The following ASTN1 variants were observed in gnomAD, a reference collection of about 807,000 sequenced individuals.
ASTN1 encodes the protein astrotactin-1.
A neutral mutation model predicts 140.7 loss-of-function variants in ASTN1; 41 were observed. The observed-to-expected ratio is 0.29, with a 90% confidence interval of 0.23 to 0.38. The LOEUF is 0.38. Among genes scored for constraint, ASTN1 ranks in the 10% least tolerant of loss-of-function variants. The probability of loss-of-function intolerance (pLI) is 1.00; values close to 1 mark genes in which losing one functional copy is unlikely to be tolerated. For missense variants in ASTN1, 1,479 were observed against 1,678.8 expected, an observed-to-expected ratio of 0.88 and a Z score of 2.08; for synonymous variants, 640 against 652.2, an observed-to-expected ratio of 0.98 and a Z score of 0.29.
chr1:177,111,107 T>TGGTA (rs1262778255), intron 1 of ASTN1, among the ~76,000 whole-genome samples: 2 of 152,326 alleles, frequency 1.3e-5, no homozygotes, highest in East Asian at 3.9e-4. Flanking sequence ...CAAGAAGACC[T>TGGTA]GGTAGTTGGG....
At chr1:177,013,419 T>C (rs1027531045) in intron 8 of ASTN1, among the ~76,000 whole-genome samples, 1 of 152,222 alleles carries the variant, frequency 6.6e-6, no homozygotes, top group Non-Finnish European at 1.5e-5. Context: ...AGTCATCAGC[T>C]GGCTAAGTTC....
At chr1:176,939,291 A>C (rs574808480) in intron 14 of ASTN1, among the ~76,000 whole-genome samples, 2 of 152,282 alleles carry the variant, frequency 1.3e-5, no homozygotes, top group South Asian at 4.1e-4. Context: ...TTTTAAGTCC[A>C]GAACAACAGA....
intron 1 of ASTN1, among the ~76,000 whole-genome samples, chr1:177,076,802 C>T (rs1334914368): frequency 5.3e-5 from 8 of 152,186 alleles, no homozygotes; most frequent in South Asian, 2.1e-4. Context: ...GGATTACAGG[C>T]GTGAGCCACC....
chr1:176,909,075 C>T (rs1670116955), intron 16 of ASTN1, among the ~76,000 whole-genome samples: 2 of 152,266 alleles, frequency 1.3e-5, no homozygotes, highest in Middle Eastern at 3.4e-3. Context: ...CACCACTTGC[C>T]CCCCAAAATG....
chr1:177,065,224 T>C (rs1416183502), intron 1 of ASTN1, among the ~76,000 whole-genome samples: 4 of 152,166 alleles, frequency 2.6e-5, no homozygotes, highest in African/African-American at 9.7e-5. Flanking sequence ...ATCATCACGC[T>C]GTGGGACTGA....
At chr1:176,985,080 C>T (rs1673821676) in intron 8 of ASTN1, among the ~76,000 whole-genome samples, 1 of 152,204 alleles carries the variant, frequency 6.6e-6, no homozygotes, top group African/African-American at 2.4e-5. Flanking sequence ...TCTTCTTCTT[C>T]AAATGCAGGG....
chr1:177,037,297 C>T (rs1345211446), intron 2 of ASTN1, among the ~76,000 whole-genome samples: 4 of 152,024 alleles, frequency 2.6e-5, no homozygotes, highest in Admixed American at 6.5e-5. Context: ...ATAGCCAAGT[C>T]GAAAAGAGAA....
chr1:176,925,407 A>C (rs1670912789), intron 16 of ASTN1, among the ~76,000 whole-genome samples: 1 of 152,234 alleles, frequency 6.6e-6, no homozygotes, highest in African/African-American at 2.4e-5. Context: ...GCTTGTCAGA[A>C]ACGCAGAATT....
intron 1 of ASTN1, among the ~76,000 whole-genome samples, chr1:177,072,274 GTTA>G (rs1487418443): frequency 6.6e-6 from 1 of 152,208 alleles, no homozygotes; most frequent in African/African-American, 2.4e-5. Context: ...CTGAAATTGA[GTTA>G]TTAACCTATT....
intron 16 of ASTN1, among the ~76,000 whole-genome samples, chr1:176,920,920 T>C (rs1362779314): frequency 2.0e-5 from 3 of 152,226 alleles, no homozygotes; most frequent in African/African-American, 4.8e-5. Context: ...TTGAGGCCTA[T>C]GTACCAGTGA....
At chr1:177,100,548 C>A (rs958473874) in intron 1 of ASTN1, among the ~76,000 whole-genome samples, 1 of 151,968 alleles carries the variant, frequency 6.6e-6, no homozygotes, top group African/African-American at 2.4e-5. Flanking sequence ...GATTTGACAT[C>A]GAGAGAAAGG....
intron 22 of ASTN1, 56 bp from the exon 23 acceptor site, chr1:176,864,577 G>A: frequency 1.3e-6 from 2 of 1,592,696 alleles, no homozygotes; most frequent in Middle Eastern, 1.7e-4. Flanking sequence ...GTCTGGATGA[G>A]CACAGCTACT....
intron 16 of ASTN1, among the ~76,000 whole-genome samples, chr1:176,927,989 T>A (rs1671041104): frequency 6.6e-6 from 1 of 151,998 alleles, no homozygotes; most frequent in Non-Finnish European, 1.5e-5. Flanking sequence ...TGAGATTACA[T>A]GTACATGTTT....
At chr1:177,139,496 A>G (rs1682362152) in intron 1 of ASTN1, among the ~76,000 whole-genome samples, 1 of 152,232 alleles carries the variant, frequency 6.6e-6, no homozygotes, top group African/African-American at 2.4e-5. Context: ...AGAAGCATAT[A>G]ATTTAAATCA....
chr1:177,039,229 C>A (rs193029159), intron 2 of ASTN1, among the ~76,000 whole-genome samples: 155 of 152,294 alleles, frequency 1.0e-3, no homozygotes, highest in African/African-American at 3.6e-3. Flanking sequence ...CTCCTCAAGG[C>A]AACTAGACAT....
chr1:177,094,693 T>C (rs536276431), intron 1 of ASTN1, among the ~76,000 whole-genome samples: 61 of 152,120 alleles, frequency 4.0e-4, no homozygotes, highest in Non-Finnish European at 7.5e-4. Flanking sequence ...TACTGAGAAG[T>C]GGGGGTGCTG....
At chr1:176,891,025 C>CA (rs1276565557) in intron 17 of ASTN1, among the ~76,000 whole-genome samples, 5 of 150,158 alleles carry the variant, frequency 3.3e-5, no homozygotes, top group African/African-American at 9.8e-5. Context: ...AGACCTGTCT[C>CA]AAAAAAACAA....
chr1:177,103,587 A>G (rs1244117769), intron 1 of ASTN1, among the ~76,000 whole-genome samples: 1 of 152,290 alleles, frequency 6.6e-6, no homozygotes, highest in East Asian at 1.9e-4. Flanking sequence ...AATCATAATC[A>G]TGCAAATATA....
chr1:176,899,078 A>T (rs1230886207), intron 16 of ASTN1, among the ~76,000 whole-genome samples: 2 of 152,212 alleles, frequency 1.3e-5, no homozygotes, highest in Non-Finnish European at 2.9e-5. Flanking sequence ...TCTTACAAAT[A>T]GAAGAACATC....
Sources: gnomAD v4.1 joint callset for allele counts (sites outside exome capture counted in the v4.1 genomes callset) on GRCh38, gnomAD v4.1.1 for gene constraint, MANE v1.5 for transcripts, NCBI Gene and HGNC (gene_info 2026-07-23, HGNC 2026-07-21) for gene names.